The following TTLL7 variants were observed in gnomAD, a reference collection of about 807,000 sequenced individuals.
TTLL7 encodes the protein tubulin polyglutamylase TTLL7.
A neutral mutation model predicts 120.2 loss-of-function variants in TTLL7; 53 were observed. That is an observed-to-expected ratio of 0.44 (90% CI 0.35 to 0.55). TTLL7 has a LOEUF of 0.55. Ranked by LOEUF, TTLL7 falls within the 20% of genes least tolerant of loss-of-function variation. The pLI is 0.00. For synonymous variants in TTLL7, 353 were observed against 351.7 expected, an observed-to-expected ratio of 1.00 and a Z score of -0.04; for missense variants, 803 against 1,054.7, an observed-to-expected ratio of 0.76 and a Z score of 3.31.
chr1:83,962,100 AT>A, intron 1 of TTLL7, among the ~76,000 whole-genome samples: 1 of 152,290 alleles, frequency 6.6e-6, no homozygotes, highest in Non-Finnish European at 1.5e-5. Context: ...TAGTCAGTTC[AT>A]TCTTTGCCAA....
intron 1 of TTLL7, among the ~76,000 whole-genome samples, chr1:83,988,947 A>G (rs1652732791): frequency 6.6e-6 from 1 of 152,012 alleles, no homozygotes; most frequent in African/African-American, 2.4e-5. Flanking sequence ...TGACTTTGTG[A>G]TCCGCCCTCC....
Position 83,868,790 on chromosome 1 carries a change from A to G in TTLL7, c.*1172T>C, listed in dbSNP as rs889512199. On this transcript the variant is annotated 3_prime_UTR_variant, in exon 21 of 21. Transcript: ENST00000260505. ...TCAAAGATATACTTTCCAAATAAAAATGAGTGGTATAAGACATAAAAGCCA... is the reference window on the plus strand; with the variant it reads ...TCAAAGATATACTTTCCAAATAAAAGTGAGTGGTATAAGACATAAAAGCCA... 6.6e-6 allele frequency: 1 copy of G among 152,124 alleles called. No homozygotes were observed. The highest frequency in any genetic ancestry group is 1.5e-5 in the Non-Finnish European group (1 of 68,016). The allele number at this position is 152,124 out of a possible 1,614,324, so 9.4% of individuals were successfully genotyped here.
chr1:83,963,932 A>T (rs938443921), intron 1 of TTLL7, among the ~76,000 whole-genome samples: 1 of 152,162 alleles, frequency 6.6e-6, no homozygotes, highest in Non-Finnish European at 1.5e-5. Flanking sequence ...TCCATATGGA[A>T]AAAAGCAAAT....
chr1:83,945,887 T>C (rs963122146), intron 6 of TTLL7: 16 of 152,218 alleles, frequency 1.1e-4, no homozygotes, highest in Middle Eastern at 3.4e-3. Flanking sequence ...TGGTATACAA[T>C]TCCCACTAAT....
At chr1:83,955,804 C>A (rs530188463) in intron 1 of TTLL7, among the ~76,000 whole-genome samples, 47 of 152,178 alleles carry the variant, frequency 3.1e-4, no homozygotes, top group African/African-American at 1.1e-3. Context: ...CACTTGAGAC[C>A]AGGAGTTTGA....
chr1:83,892,115 C>T (rs375909263), intron 18 of TTLL7, among the ~76,000 whole-genome samples: 2 of 151,542 alleles, frequency 1.3e-5, no homozygotes, highest in African/African-American at 4.8e-5. Context: ...AGGCATGCGT[C>T]ATCACCCCTG....
chr1:83,947,881 A>C (rs1336894127), intron 5 of TTLL7, among the ~76,000 whole-genome samples: 1 of 152,126 alleles, frequency 6.6e-6, no homozygotes, highest in Non-Finnish European at 1.5e-5. Context: ...TTTTTAAAAA[A>C]TTATCAGTTT....
chr1:83,956,762 T>C (rs1287253668), intron 1 of TTLL7, among the ~76,000 whole-genome samples: 2 of 152,122 alleles, frequency 1.3e-5, no homozygotes, highest in African/African-American at 4.8e-5. Flanking sequence ...AAAAGCAAAG[T>C]ACATAGAAGT....
intron 19 of TTLL7, among the ~76,000 whole-genome samples, chr1:83,884,762 T>A (rs554130720): frequency 9.4e-5 from 14 of 148,592 alleles, no homozygotes; most frequent in African/African-American, 3.4e-4. Context: ...TTGGGAGATA[T>A]ACCTAATGCT....
chr1:83,921,230 TC>T lies in TTLL7; in HGVS notation c.1290+16del. 6.2e-7 allele frequency: 1 copy of T among 1,610,994 alleles called. No individual in the cohort carries two copies. ...TATGCAATTTAAATTGTGGGTACTT[TC>T]TTAAAACTTTCATACCAACTCTTCT... On this transcript the variant is annotated intron_variant, in intron 11 of 20. Transcript: ENST00000260505.
intron 20 of TTLL7, among the ~76,000 whole-genome samples, chr1:83,882,479 A>G (rs1654604201): frequency 6.6e-6 from 1 of 151,940 alleles, no homozygotes; most frequent in African/African-American, 2.4e-5. Context: ...TTTTAACTGG[A>G]TATTTATGAA....
Position 83,874,358 on chromosome 1 carries a change from T to C in TTLL7, c.2544-4276A>G, listed in dbSNP as rs1158010568. Among the ~76,000 whole-genome samples the C allele has an allele frequency of 2.0e-5, 3 of 152,084 alleles. 1 individual carries two copies. Among genetic ancestry groups the C allele is most frequent in the Non-Finnish European group, 4.4e-5 (3 of 67,942 alleles). Reference sequence around the variant, plus strand: ...TCTATTATATGTGTATACCATATTGTATCTCTTCAACTGTTGATGGGCATG... The same window carrying C: ...TCTATTATATGTGTATACCATATTGCATCTCTTCAACTGTTGATGGGCATG... On this transcript the variant is annotated intron_variant, in intron 20 of 20. Transcript: ENST00000260505.
intron 15 of TTLL7, among the ~76,000 whole-genome samples, chr1:83,909,024 G>A (rs1158372979): frequency 2.6e-5 from 4 of 151,286 alleles, no homozygotes; most frequent in African/African-American, 9.7e-5. Flanking sequence ...TTCTAGAGAA[G>A]GGCTATGTGA....
intron 14 of TTLL7, among the ~76,000 whole-genome samples, chr1:83,916,095 G>T (rs560013172): frequency 6.6e-6 from 1 of 152,254 alleles, no homozygotes; most frequent in South Asian, 2.1e-4. Flanking sequence ...ATTCCTCAGG[G>T]ATCTAGAACT....
chr1:83,938,420 C>A (rs562927860), intron 7 of TTLL7, among the ~76,000 whole-genome samples: 24 of 152,120 alleles, frequency 1.6e-4, no homozygotes, highest in Non-Finnish European at 2.9e-4. Flanking sequence ...AAGGAATTTT[C>A]TGAGAGAGCA....
At chr1:83,950,101 G>A (rs1240586193) in intron 3 of TTLL7, 115 bp from the exon 4 acceptor site, 1 of 917,984 alleles carries the variant, frequency 1.1e-6, no homozygotes, top group Non-Finnish European at 1.6e-6. Flanking sequence ...AAAAATATTA[G>A]TTACAGCCTA....
intron 20 of TTLL7, among the ~76,000 whole-genome samples, chr1:83,871,033 TATAC>T (rs1301660998): frequency 6.7e-6 from 1 of 148,824 alleles, no homozygotes; most frequent in East Asian, 1.9e-4. Flanking sequence ...TATTATATAG[TATAC>T]ATATTTATAT....
chr1:83,948,223 A>C (rs988238169), intron 5 of TTLL7, among the ~76,000 whole-genome samples: 2 of 148,924 alleles, frequency 1.3e-5, no homozygotes, highest in African/African-American at 2.5e-5. Context: ...ACAGCTTATA[A>C]TGCAACAAAT....
At chr1:83,875,072 A>C (rs1653810322) in intron 20 of TTLL7, among the ~76,000 whole-genome samples, 1 of 151,910 alleles carries the variant, frequency 6.6e-6, no homozygotes, top group African/African-American at 2.4e-5. Context: ...GTTCCATTGA[A>C]TGAGTATTAT....
Sources: allele counts gnomAD v4.1 joint callset (sites outside exome capture counted in the v4.1 genomes callset), GRCh38; gene constraint gnomAD v4.1.1; transcripts MANE v1.5; gene names NCBI Gene and HGNC (gene_info 2026-07-23, HGNC 2026-07-21).